Variants in UNK observed in about 807,000 individuals in gnomAD.
UNK encodes the protein unk zinc finger.
UNK carries 32 observed loss-of-function variants against 97.6 expected under a neutral mutation model. That is an observed-to-expected ratio of 0.33 (90% CI 0.25 to 0.44). UNK has a LOEUF of 0.44. UNK is among the 20% of genes least tolerant of loss of function. The pLI, the probability that UNK is intolerant of heterozygous loss-of-function variation, is 1.00. For synonymous variants in UNK, 441 were observed against 461.2 expected (o/e 0.96, Z 0.56); for missense variants, 771 against 1,098.4 (o/e 0.70, Z 4.21).
At chr17:75,787,213 A>ATTTTTC (rs1456878041) in intron 1 of UNK, among the ~76,000 whole-genome samples, 1 of 151,644 alleles carries the variant, frequency 6.6e-6, no homozygotes, top group Non-Finnish European at 1.5e-5. Flanking sequence ...GCTGGCTCTG[A>ATTTTTC]TTTTTCTTTT....
In UNK at chr17:75,784,833, A is replaced by G; in HGVS notation, c.-48A>G. ...ACTGGGTCCTCGGCGCGGACCGCGC[A>G]GACTGAATAATAAAAGGGGAGCGGC... On this transcript the variant is annotated 5_prime_UTR_variant, in exon 1 of 16. Coordinates refer to ENST00000589666, the MANE Select transcript of UNK (RefSeq NM_001080419.3). 6.3e-7 allele frequency: 1 copy of G among 1,580,456 alleles called. No individual in the cohort carries two copies.
chr17:75,788,891 A>C (rs753032392), intron 1 of UNK, among the ~76,000 whole-genome samples: 10 of 152,222 alleles, frequency 6.6e-5, no homozygotes, highest in Non-Finnish European at 1.5e-4. Flanking sequence ...TCTTTGCAAT[A>C]ATCCAGAGAC....
At chr17:75,787,395 G>A (rs528981125) in intron 1 of UNK, among the ~76,000 whole-genome samples, 1 of 151,696 alleles carries the variant, frequency 6.6e-6, no homozygotes, top group African/African-American at 2.4e-5. Flanking sequence ...TTGTAGAGAC[G>A]TGATTTTGCC....
At chr17:75,811,859 T>C (rs1282326266) in intron 2 of UNK, among the ~76,000 whole-genome samples, 1 of 152,134 alleles carries the variant, frequency 6.6e-6, no homozygotes, top group African/African-American at 2.4e-5. Context: ...TAGTGGTGTG[T>C]GCCTGTAGTC....
In UNK at chr17:75,818,528, C is replaced by A; in HGVS notation, c.1372-114C>A. Reference sequence around the variant, plus strand: ...GGGCCCATGTGGGCATGGGGGCACCCGGACTAGAGCTAGCACGGGCCATTT... The same window carrying A: ...GGGCCCATGTGGGCATGGGGGCACCAGGACTAGAGCTAGCACGGGCCATTT... On this transcript the variant is annotated intron_variant, in intron 10 of 15. Coordinates refer to ENST00000589666, the MANE Select transcript of UNK (RefSeq NM_001080419.3). The surrounding 1 kb of genome is among the most constrained non-coding windows in gnomAD (Gnocchi z 5.1). 7.9e-7 allele frequency: 1 copy of A among 1,272,992 alleles called. No individual in the cohort carries two copies. The highest frequency in any genetic ancestry group is 1.1e-6 in the Non-Finnish European group (1 of 941,918). The allele number at this position is 1,272,992 out of a possible 1,614,324, so 78.9% of individuals were successfully genotyped here.
chr17:75,817,194 T>C lies in UNK; in HGVS notation c.1105-132T>C. 8.8e-7 allele frequency: 1 copy of C among 1,132,736 alleles called. No individual in the cohort carries two copies. The highest frequency in any genetic ancestry group is 1.6e-5 in the South Asian group (1 of 62,460). 70.2% of individuals were successfully genotyped at this position (1,132,736 alleles called of 1,614,324 possible). A position where few individuals can be genotyped will look rare whatever the true frequency, so the allele number is the denominator to read the frequency against. On this transcript the variant is annotated intron_variant, in intron 8 of 15. Coordinates refer to ENST00000589666, the MANE Select transcript of UNK (RefSeq NM_001080419.3). This position sits in a 1 kb window ranked among gnomAD's most constrained non-coding sequence, Gnocchi z 5.8. Reference sequence around the variant, plus strand: ...CGTGAGCTTCGGGCTCCCCGAGTGGTCACTGCTGCTCGTTGGCAGATGAAA... The same window carrying C: ...CGTGAGCTTCGGGCTCCCCGAGTGGCCACTGCTGCTCGTTGGCAGATGAAA...
At chr17:75,807,831 C>T (rs868593328) in intron 1 of UNK, among the ~76,000 whole-genome samples, 9 of 151,506 alleles carry the variant, frequency 5.9e-5, no homozygotes, top group Admixed American at 2.0e-4. Flanking sequence ...TCAGGTGATC[C>T]GCCCGCCCCA....
chr17:75,788,004 C>T (rs769238899), intron 1 of UNK, among the ~76,000 whole-genome samples: 5 of 151,708 alleles, frequency 3.3e-5, no homozygotes, highest in Admixed American at 6.6e-5. Flanking sequence ...AGTTAGGGGG[C>T]GGGAGCATTT....
chr17:75,807,017 C>T (rs1307069860), intron 1 of UNK, among the ~76,000 whole-genome samples: 1 of 152,222 alleles, frequency 6.6e-6, no homozygotes, highest in Non-Finnish European at 1.5e-5. Flanking sequence ...CTCATCTGCA[C>T]GTGGCACTGT....
chr17:75,792,999 G>A (rs928464392), intron 1 of UNK, among the ~76,000 whole-genome samples: 2 of 152,238 alleles, frequency 1.3e-5, no homozygotes, highest in African/African-American at 4.8e-5. Context: ...CAGTGGCTTA[G>A]GCCCTGTGTA....
At position 75,812,193 on chromosome 17, in the gene UNK, C is replaced by T. The variant is rs764128861; in HGVS notation, c.396C>T (p.His132=). 132 of 1,613,962 alleles carry T rather than the reference C, an allele frequency of 8.2e-5. No homozygotes were observed. Among genetic ancestry groups the T allele is most frequent in the Non-Finnish European group, 9.8e-5 (116 of 1,179,950 alleles). Residue 132 remains histidine (H), a synonymous_variant, in exon 3 of 16, where the codon CAC becomes CAT. Coordinates refer to ENST00000589666, the MANE Select transcript of UNK (RefSeq NM_001080419.3). ...ACTACAAAACTGGAATCTGCATCCACGAGACAGACTCGAAAGGCAACTGCA... is the reference window on the plus strand; with the variant it reads ...ACTACAAAACTGGAATCTGCATCCATGAGACAGACTCGAAAGGCAACTGCA... ...LRYYKTGICI[H]ETDSKGNCTK... is the part of the protein sequence containing the mutation.
At position 75,813,875 on chromosome 17, in the gene UNK, C is replaced by T. The variant is rs769490346; in HGVS notation, c.873C>T (p.Pro291=). The change falls in exon 6 of 16, where the codon CCC becomes CCT. Residue 291 remains proline (P), a synonymous_variant. Coordinates refer to ENST00000589666, the MANE Select transcript of UNK (RefSeq NM_001080419.3). ...CHTRTEQQFH[P]EIYKSTKCND... is the part of the protein sequence containing the mutation. ...CCCGCACCGAGCAGCAGTTCCACCC[C>T]GAGGTGGGCCCCACAGCAGGGTGGG... The T allele has an allele frequency of 7.6e-6, 12 of 1,577,064 alleles. No homozygotes were observed. The highest frequency in any genetic ancestry group is 1.7e-4 in the Middle Eastern group (1 of 6,040).
intron 1 of UNK, among the ~76,000 whole-genome samples, chr17:75,808,454 A>G (rs964310095): frequency 3.9e-5 from 6 of 151,940 alleles, no homozygotes; most frequent in South Asian, 2.1e-4. Flanking sequence ...TTCCCTTCCT[A>G]TTCCACGCAC....
rs570316732 is a variant in UNK, at chr17:75,824,207, G to A, written c.2278-55G>A. The A allele has an allele frequency of 4.4e-5, 66 of 1,502,796 alleles. No homozygotes were observed. The highest frequency in any genetic ancestry group is 1.1e-4 in the African/African-American group (8 of 70,202). 93.1% of individuals were successfully genotyped at this position (1,502,796 alleles called of 1,614,324 possible). A position where few individuals can be genotyped will look rare whatever the true frequency, so the allele number is the denominator to read the frequency against. On this transcript the variant is annotated intron_variant, in intron 15 of 15. Transcript: ENST00000589666. The surrounding 1 kb of genome is among the most constrained non-coding windows in gnomAD (Gnocchi z 4.9). ...GCAGTGAGGATCAAGGGAACTCCTC[G>A]CTCAACTTGGGGCCAGACCCATGGA...
chr17:75,801,091 G>C (rs910337710), intron 1 of UNK, among the ~76,000 whole-genome samples: 1 of 151,842 alleles, frequency 6.6e-6, no homozygotes, highest in African/African-American at 2.4e-5. Context: ...TTTTAGTAGA[G>C]ACGGGGTTTC....
At chr17:75,813,283 C>G in intron 5 of UNK, 70 bp downstream of exon 5, 2 of 1,498,510 alleles carry the variant, frequency 1.3e-6, no homozygotes, top group South Asian at 2.5e-5. Context: ...AGAGGCTGCT[C>G]CCACTGGCTC....
intron 1 of UNK, among the ~76,000 whole-genome samples, chr17:75,790,773 A>C (rs2061757065): frequency 6.6e-6 from 1 of 151,970 alleles, no homozygotes; most frequent in Non-Finnish European, 1.5e-5. Context: ...TCTACTAAAA[A>C]TACAAAAATT....
At chr17:75,813,639 C>T (rs1441874207) in intron 5 of UNK, 122 bp from the exon 6 acceptor site, 4 of 834,352 alleles carry the variant, frequency 4.8e-6, no homozygotes, top group Non-Finnish European at 7.4e-6. Context: ...AAGGCCCTGA[C>T]TCTGCAGCTG....
chr17:75,791,818 GGT>G, intron 1 of UNK: 1 of 985,340 alleles, frequency 1.0e-6, no homozygotes, highest in Non-Finnish European at 1.2e-6. Context: ...TTTGACTGGT[GGT>G]TTCTATCATC....
Sources: gnomAD v4.1 joint callset for allele counts (sites outside exome capture counted in the v4.1 genomes callset) on GRCh38, gnomAD v4.1.1 for gene constraint, Gnocchi (gnomAD v3.1) non-coding constraint, MANE v1.5 for transcripts, NCBI Gene and HGNC (gene_info 2026-07-23, HGNC 2026-07-21) for gene names.